Variants in GOT1 observed in about 807,000 individuals in gnomAD.
GOT1 encodes the protein glutamic-oxaloacetic transaminase 1.
GOT1 carries 25 observed loss-of-function variants against 48.2 expected under a neutral mutation model. The observed-to-expected ratio is 0.52, with a 90% confidence interval of 0.38 to 0.72. GOT1 has a LOEUF of 0.72. Ranked by LOEUF, GOT1 falls within the 30% of genes least tolerant of loss-of-function variation. The pLI is 0.00. For missense variants in GOT1, 380 were observed against 520.1 expected (o/e 0.73, Z 2.62); for synonymous variants, 188 against 193.8 (o/e 0.97, Z 0.25).
In GOT1 at chr10:99,420,608, C is replaced by T. The variant is rs2032953373; in HGVS notation, c.300+16G>A. 6.3e-7 allele frequency: 1 copy of T among 1,586,690 alleles called. No homozygotes were observed. Among genetic ancestry groups the T allele is most frequent in the African/African-American group, 1.4e-5 (1 of 73,810 alleles). On this transcript the variant is annotated intron_variant, in intron 2 of 8. Transcript: ENST00000370508. ...TCAGTTTCTAAAGAGAAAATACATCCTTACCCAAAACTTACCCGCTTCTCC... is the reference window on the plus strand; with the variant it reads ...TCAGTTTCTAAAGAGAAAATACATCTTTACCCAAAACTTACCCGCTTCTCC...
chr10:99,428,188 G>GAAAT (rs1371354158), intron 1 of GOT1, among the ~76,000 whole-genome samples: 1 of 152,114 alleles, frequency 6.6e-6, no homozygotes, highest in Non-Finnish European at 1.5e-5. Context: ...ATCACTCAAA[G>GAAAT]AAATGCCAAA....
intron 1 of GOT1, 98 bp downstream of exon 1, chr10:99,430,350 G>A: frequency 6.2e-6 from 10 of 1,606,498 alleles, no homozygotes; most frequent in Non-Finnish European, 7.6e-6. Flanking sequence ...TTCAGGCAGC[G>A]CCACACTGGG....
At chr10:99,411,827 G>A (rs542231879) in intron 2 of GOT1, among the ~76,000 whole-genome samples, 6 of 152,316 alleles carry the variant, frequency 3.9e-5, no homozygotes, top group East Asian at 3.9e-4. Context: ...TGAGGTACCC[G>A]GATAGGAGCC....
chr10:99,410,932 C>T (rs1382342843), intron 2 of GOT1, among the ~76,000 whole-genome samples: 2 of 152,214 alleles, frequency 1.3e-5, no homozygotes, highest in African/African-American at 4.8e-5. Context: ...TTGGACATGT[C>T]AGCATAAGAT....
At chr10:99,405,088 C>T (rs183061334) in intron 5 of GOT1, among the ~76,000 whole-genome samples, 21 of 152,336 alleles carry the variant, frequency 1.4e-4, no homozygotes, top group African/African-American at 4.8e-4. Flanking sequence ...ACTCGTCCAT[C>T]TCCCCAAACA....
chr10:99,423,739 C>G (rs753019090), intron 1 of GOT1, among the ~76,000 whole-genome samples: 31 of 152,148 alleles, frequency 2.0e-4, no homozygotes, highest in Non-Finnish European at 4.3e-4. Flanking sequence ...GCTTCAACCC[C>G]CTGGGCTCAA....
Position 99,405,829 on chromosome 10 carries a change from TG to T in GOT1, c.568del (p.His190ThrfsTer24). 1 of 1,610,156 alleles carries T rather than the reference TG, an allele frequency of 6.2e-7. No individual in the cohort carries two copies. Among genetic ancestry groups the T allele is most frequent in the Non-Finnish European group, 8.5e-7 (1 of 1,176,338 alleles). ...NAPEFSIVVLHACAHNPTGID... is the reference protein window; with the variant it reads ...NAPEFSIVVLXACAHNPTGID... ...CCCAGTTGGGTTGTGTGCACAGGCG[TG>T]GAGGACAACAATGGAGAACTCAGGA... On this transcript the variant is annotated frameshift_variant, in exon 5 of 9. Transcript: ENST00000370508. LOFTEE classifies it high-confidence loss of function.
chr10:99,398,019 G>A (rs1356905584), intron 8 of GOT1, among the ~76,000 whole-genome samples: 2 of 152,142 alleles, frequency 1.3e-5, no homozygotes, highest in South Asian at 2.1e-4. Flanking sequence ...GACGGACAGC[G>A]ATATGAAATG....
Position 99,397,747 on chromosome 10 carries a change from T to A in GOT1, c.1103-61A>T. ...AGGGGATCCTTAAAGCAGTGGAGGC[T>A]CAGCAATTATATGACAATTACAGCT... On this transcript the variant is annotated intron_variant, in intron 8 of 8. Coordinates refer to ENST00000370508, the MANE Select transcript of GOT1 (RefSeq NM_002079.3). The surrounding 1 kb of genome is among the most constrained non-coding windows in gnomAD (Gnocchi z 5.4). 1 of 1,483,832 alleles carries A rather than the reference T, an allele frequency of 6.7e-7. No homozygotes were observed. Among genetic ancestry groups the A allele is most frequent in the Non-Finnish European group, 9.4e-7 (1 of 1,064,790 alleles). 91.9% of individuals were successfully genotyped at this position (1,483,832 alleles called of 1,614,324 possible). A position where few individuals can be genotyped will look rare whatever the true frequency, so the allele number is the denominator to read the frequency against.
intron 5 of GOT1, among the ~76,000 whole-genome samples, chr10:99,405,145 G>A (rs10786543): frequency 6.6e-6 from 1 of 152,334 alleles, no homozygotes; most frequent in South Asian, 2.1e-4. Flanking sequence ...CCATTCAATA[G>A]TGTATTCCCA....
intron 2 of GOT1, among the ~76,000 whole-genome samples, chr10:99,412,575 G>T (rs1457076109): frequency 1.3e-5 from 2 of 151,886 alleles, no homozygotes; most frequent in African/African-American, 4.8e-5. Context: ...AAATGTCCCT[G>T]TCTGACAGCT....
chr10:99,416,996 T>C (rs1234488461), intron 2 of GOT1, among the ~76,000 whole-genome samples: 2 of 152,198 alleles, frequency 1.3e-5, no homozygotes, highest in African/African-American at 4.8e-5. Flanking sequence ...ACCTAGGCAA[T>C]ACTATTCAGG....
chr10:99,430,017 T>C (rs2033095086), intron 1 of GOT1, among the ~76,000 whole-genome samples: 1 of 152,042 alleles, frequency 6.6e-6, no homozygotes, highest in Admixed American at 6.6e-5. Context: ...GTCACTCAAA[T>C]ATTTACCGAC....
At chr10:99,419,593 A>T (rs1193221144) in intron 2 of GOT1, among the ~76,000 whole-genome samples, 1 of 152,160 alleles carries the variant, frequency 6.6e-6, no homozygotes, top group East Asian at 1.9e-4. Context: ...CTTTGAAAAC[A>T]CCTGGGGAGT....
chr10:99,428,450 C>G (rs1284759782), intron 1 of GOT1, among the ~76,000 whole-genome samples: 1 of 152,108 alleles, frequency 6.6e-6, no homozygotes, highest in Non-Finnish European at 1.5e-5. Flanking sequence ...CGCCACCTCC[C>G]AGGTTCAAGC....
At chr10:99,428,181 A>G (rs1181528078) in intron 1 of GOT1, among the ~76,000 whole-genome samples, 5 of 152,196 alleles carry the variant, frequency 3.3e-5, no homozygotes, top group Admixed American at 2.6e-4. Flanking sequence ...TATGAGAATC[A>G]CTCAAAGAAA....
chr10:99,413,263 A>T lies in GOT1; in HGVS notation c.301-6414T>A, dbSNP rs186132399. 6.8e-3 allele frequency among the ~76,000 whole-genome samples: 1,040 copies of T among 152,374 alleles called. 8 individuals are homozygous for T. The highest frequency in any genetic ancestry group is 0.012 in the Admixed American group (186 of 15,306). On this transcript the variant is annotated intron_variant, in intron 2 of 8. Coordinates refer to ENST00000370508, the MANE Select transcript of GOT1 (RefSeq NM_002079.3). ...TACTTAAAGGACCTGATGGAGCTGA[A>T]AACCATGGCACGAGAACTACATGAC...
At position 99,402,614 on chromosome 10, in the gene GOT1, A is replaced by G; in HGVS notation, c.1068T>C (p.Asp356=). 6.2e-7 allele frequency: 1 copy of G among 1,614,156 alleles called. No homozygotes were observed. Among genetic ancestry groups the G allele is most frequent in the Admixed American group, 1.7e-5 (1 of 60,018 alleles). The change falls in exon 8 of 9, where the codon GAT becomes GAC. Residue 356 remains aspartate, a synonymous_variant. Transcript: ENST00000370508. ...KTPGTWNHIT[D]QIGMFSFTGL... The stretch of plus-strand genomic sequence containing the variant: ...CAGTGAAGCTGAACATGCCAATTTG[A>G]TCAGTGATGTGGTTCCAGGTCCCAG...
At position 99,406,843 on chromosome 10, in the gene GOT1, C is replaced by A. The variant is rs1486125049; in HGVS notation, c.307G>T (p.Gly103Cys). The part of the protein sequence containing the change: ...SPALKEKRVG[G>C]VQSLGGTGAL... Reference sequence around the variant, plus strand: ...CCTGTTCCCCCCAAAGATTGCACACCTCCTACCTGAAAGAGAAGAAACAGG... The same window carrying A: ...CCTGTTCCCCCCAAAGATTGCACACATCCTACCTGAAAGAGAAGAAACAGG... Residue 103 changes from glycine to cysteine, a missense_variant, in exon 3 of 9, where the codon GGT becomes TGT. Coordinates refer to ENST00000370508, the MANE Select transcript of GOT1 (RefSeq NM_002079.3). The A allele has an allele frequency of 1.2e-6, 2 of 1,613,890 alleles. No individual in the cohort carries two copies. The highest frequency in any genetic ancestry group is 1.7e-5 in the Admixed American group (1 of 60,010).
Sources: allele counts gnomAD v4.1 joint callset (sites outside exome capture counted in the v4.1 genomes callset), GRCh38; gene constraint gnomAD v4.1.1; non-coding constraint Gnocchi (gnomAD v3.1); transcripts MANE v1.5; gene names NCBI Gene and HGNC (gene_info 2026-07-23, HGNC 2026-07-21).